The following CRYBG1 variants were observed in gnomAD, a reference collection of about 807,000 sequenced individuals.
The protein encoded by CRYBG1 is crystallin beta-gamma domain containing 1, also known as beta/gamma crystallin domain-containing protein 1.
CRYBG1 carries 139 observed loss-of-function variants against 189.2 expected under a neutral mutation model. The observed-to-expected ratio is 0.73, with a 90% CI of 0.64 to 0.85. The LOEUF (loss-of-function observed/expected upper bound fraction) is 0.85, where lower values mean the gene tolerates loss of function less well. Among genes scored for constraint, CRYBG1 ranks in the 40% least tolerant of loss-of-function variants. The pLI, the probability that CRYBG1 is intolerant of heterozygous loss-of-function variation, is 0.00. For synonymous variants in CRYBG1, 1,023 were observed against 1,017.1 expected (o/e 1.01, Z -0.11); for missense variants, 2,611 against 2,675.8 (o/e 0.98, Z 0.53).
At chr6:106,468,241 A>G (rs1246309134) in intron 2 of CRYBG1, among the ~76,000 whole-genome samples, 2 of 152,180 alleles carry the variant, frequency 1.3e-5, no homozygotes, top group African/African-American at 4.8e-5. Context: ...AGCAATAGGA[A>G]CTGGAGCAGG....
intron 8 of CRYBG1, among the ~76,000 whole-genome samples, chr6:106,534,964 A>C (rs570845861): frequency 6.6e-6 from 1 of 152,232 alleles, no homozygotes; most frequent in South Asian, 2.1e-4. Flanking sequence ...TCTCCAGACT[A>C]GGGTTAGCTG....
rs1433996640 is a variant in CRYBG1 at position 106,512,680 on chromosome 6, C to T, written c.1563C>T (p.Ala521=). 1.3e-6 allele frequency: 2 copies of T among 1,557,430 alleles called. No individual in the cohort carries two copies. The highest frequency in any genetic ancestry group is 2.4e-5 in the East Asian group (1 of 41,860). ...SPTKRKGRSR[A]LEAVPAPPAS... is the part of the protein sequence containing the mutation. The stretch of plus-strand genomic sequence containing the variant: ...CGAAGAGGAAGGGCAGGAGCCGTGC[C>T]CTCGAGGCCGTGCCCGCCCCGCCCG... Residue 521 remains alanine (A), a synonymous_variant, in exon 3 of 22, where the codon GCC becomes GCT. Transcript: ENST00000633556.
intron 1 of CRYBG1, among the ~76,000 whole-genome samples, chr6:106,433,718 A>AATATATATATATATATATAT (rs746712213): frequency 1.5e-5 from 1 of 64,948 alleles, no homozygotes; most frequent in African/African-American, 1.0e-4. Context: ...GAAACTGGGA[A>AATATATATATATATATATAT]ATATATATAT....
intron 1 of CRYBG1, among the ~76,000 whole-genome samples, chr6:106,393,530 G>A (rs2114341463): frequency 1.3e-5 from 2 of 152,320 alleles, no homozygotes; most frequent in South Asian, 4.1e-4. Flanking sequence ...GCAGGGATTG[G>A]ATGGTGCACA....
chr6:106,411,962 G>C (rs56265466), intron 1 of CRYBG1, among the ~76,000 whole-genome samples: 12,311 of 152,264 alleles, frequency 0.081, 638 homozygotes, highest in East Asian at 0.15. Context: ...TGTTCTAGCC[G>C]GACTGGCAGC....
chr6:106,378,704 T>C (rs1770222506), intron 1 of CRYBG1, among the ~76,000 whole-genome samples: 1 of 152,244 alleles, frequency 6.6e-6, no homozygotes, highest in South Asian at 2.1e-4. Flanking sequence ...AGCTAATGCC[T>C]CTTCCACTGT....
chr6:106,479,551 T>A (rs1772401309), intron 2 of CRYBG1, among the ~76,000 whole-genome samples: 1 of 152,208 alleles, frequency 6.6e-6, no homozygotes, highest in Non-Finnish European at 1.5e-5. Context: ...CCACCAGTAA[T>A]GTATAAGGGT....
chr6:106,524,830 T>C (rs1358297307), intron 4 of CRYBG1, among the ~76,000 whole-genome samples: 1 of 152,180 alleles, frequency 6.6e-6, no homozygotes, highest in African/African-American at 2.4e-5. Flanking sequence ...CTTAGCTGAG[T>C]TCCTATTCTG....
At chr6:106,448,513 C>T (rs1260500318) in intron 1 of CRYBG1, among the ~76,000 whole-genome samples, 1 of 152,134 alleles carries the variant, frequency 6.6e-6, no homozygotes, top group African/African-American at 2.4e-5. Context: ...CACACTGTGT[C>T]GACTTAGTTT....
At chr6:106,552,653 A>G (rs1200473094) in intron 15 of CRYBG1, among the ~76,000 whole-genome samples, 1 of 148,448 alleles carries the variant, frequency 6.7e-6, no homozygotes, top group Admixed American at 6.8e-5. Context: ...ACTCATTTTT[A>G]TGCCTGAAAG....
intron 15 of CRYBG1, among the ~76,000 whole-genome samples, chr6:106,552,790 C>T (rs1471038270): frequency 6.6e-6 from 1 of 152,052 alleles, no homozygotes; most frequent in Admixed American, 6.5e-5. Flanking sequence ...ATTACATTGA[C>T]TCAGTTTATA....
intron 1 of CRYBG1, among the ~76,000 whole-genome samples, chr6:106,394,645 T>C (rs1418641435): frequency 1.3e-5 from 2 of 152,206 alleles, no homozygotes; most frequent in African/African-American, 4.8e-5. Context: ...GGTAACACAG[T>C]TTTTAAACAA....
intron 1 of CRYBG1, among the ~76,000 whole-genome samples, chr6:106,417,710 G>A (rs1332728747): frequency 6.6e-6 from 1 of 152,250 alleles, no homozygotes; most frequent in Non-Finnish European, 1.5e-5. Flanking sequence ...TTGTGGGAGG[G>A]AGAATGTGAG....
intron 2 of CRYBG1, among the ~76,000 whole-genome samples, chr6:106,475,555 G>T (rs1336332898): frequency 6.6e-6 from 1 of 152,204 alleles, no homozygotes; most frequent in Non-Finnish European, 1.5e-5. Flanking sequence ...AGCACTACGT[G>T]TGTTTGGGGA....
chr6:106,460,130 G>A (rs960653370), intron 2 of CRYBG1, among the ~76,000 whole-genome samples: 9 of 148,110 alleles, frequency 6.1e-5, no homozygotes, highest in Non-Finnish European at 8.9e-5. Context: ...GGGACTACAG[G>A]CGCCCGCCAC....
At chr6:106,371,702 T>A (rs1770036634) in intron 1 of CRYBG1, among the ~76,000 whole-genome samples, 1 of 152,238 alleles carries the variant, frequency 6.6e-6, no homozygotes, top group South Asian at 2.1e-4. Flanking sequence ...TAAACAAGCT[T>A]GTCTAAAACT....
At chr6:106,480,041 A>C (rs1048136327) in intron 2 of CRYBG1, among the ~76,000 whole-genome samples, 1 of 152,052 alleles carries the variant, frequency 6.6e-6, no homozygotes, top group African/African-American at 2.4e-5. Context: ...TTATAGTTTT[A>C]GCTCCTCCAT....
At chr6:106,367,783 T>C (rs1213511601) in intron 1 of CRYBG1, among the ~76,000 whole-genome samples, 1 of 130,900 alleles carries the variant, frequency 7.6e-6, no homozygotes, top group African/African-American at 3.0e-5. Flanking sequence ...GGCAACAAAC[T>C]CAGACCCTGC....
In CRYBG1 at chr6:106,521,138, G is replaced by A. The variant is rs201285247; in HGVS notation, c.3930G>A (p.Lys1310=). Reference sequence around the variant, plus strand: ...ATCTTCTGCCCGACAACTCCTTAAAGGTCTTCAATTTCAACTCGTCAAGTA... The same window carrying A: ...ATCTTCTGCCCGACAACTCCTTAAAAGTCTTCAATTTCAACTCGTCAAGTA... The part of the protein sequence containing the change: ...QSNLLPDNSL[K]VFNFNSSSTS... Residue 1310 remains lysine (K), a synonymous_variant, in exon 4 of 22, where the codon AAG becomes AAA. Coordinates refer to ENST00000633556, the MANE Select transcript of CRYBG1 (RefSeq NM_001371242.2). 5.6e-5 allele frequency: 90 copies of A among 1,614,074 alleles called. 2 individuals are homozygous for A. The highest frequency in any genetic ancestry group is 3.3e-4 in the Admixed American group (20 of 60,004).
Sources: gnomAD v4.1 joint callset for allele counts (sites outside exome capture counted in the v4.1 genomes callset) on GRCh38, gnomAD v4.1.1 for gene constraint, MANE v1.5 for transcripts, NCBI Gene and HGNC (gene_info 2026-07-23, HGNC 2026-07-21) for gene names.